The following PATL2 variants were observed in gnomAD, a reference collection of about 807,000 sequenced individuals.
PATL2 encodes the protein protein PAT1 homolog 2.
A neutral mutation model predicts 77.0 loss-of-function variants in PATL2; 73 were observed. That is an observed-to-expected ratio of 0.95 (90% CI 0.78 to 1.15). The LOEUF (loss-of-function observed/expected upper bound fraction) is 1.15, where lower values mean the gene tolerates loss of function less well. Among genes scored for constraint, PATL2 ranks in the 50% most tolerant of loss-of-function variants. The pLI is 0.00. For synonymous variants in PATL2, 265 were observed against 257.1 expected, an observed-to-expected ratio of 1.03 and a Z score of -0.29; for missense variants, 618 against 655.4, an observed-to-expected ratio of 0.94 and a Z score of 0.62.
At chr15:44,668,268 T>TC (rs1250255745) in intron 15 of PATL2, 74 bp downstream of exon 15, 9 of 1,454,894 alleles carry the variant, frequency 6.2e-6, no homozygotes, top group African/African-American at 1.4e-5. Flanking sequence ...GATGAGACTG[T>TC]CCCCCAACTT....
rs904045399 is a variant in PATL2 at position 44,666,594 on chromosome 15, T to C, written c.1464-53A>G. On this transcript the variant is annotated intron_variant, in intron 16 of 17. Coordinates refer to ENST00000682850, the MANE Select transcript of PATL2 (RefSeq NM_001387263.1). Reference sequence around the variant, plus strand: ...AAATAGATTTGCTTAAGAAACAGACTCAGGGCCAAGGTTTCTTATTATCTT... The same window carrying C: ...AAATAGATTTGCTTAAGAAACAGACCCAGGGCCAAGGTTTCTTATTATCTT... 19 of 1,447,980 alleles carry C rather than the reference T, an allele frequency of 1.3e-5. No homozygotes were observed. In the Admixed American group the frequency reaches 3.6e-4, roughly 28 times the overall value. The allele number at this position is 1,447,980 out of a possible 1,614,324, so 89.7% of individuals were successfully genotyped here. A position where few individuals can be genotyped will look rare whatever the true frequency, so the allele number is the denominator to read the frequency against.
intron 3 of PATL2, among the ~76,000 whole-genome samples, chr15:44,693,462 C>A (rs946270932): frequency 6.6e-6 from 1 of 152,192 alleles, no homozygotes; most frequent in Non-Finnish European, 1.5e-5. Context: ...TCTGCAGTCA[C>A]ATCTCCCTCT....
At chr15:44,709,705 A>G (rs2086812706) in intron 3 of PATL2, among the ~76,000 whole-genome samples, 1 of 152,086 alleles carries the variant, frequency 6.6e-6, no homozygotes, top group Admixed American at 6.6e-5. Context: ...CCCAAAGAAA[A>G]CTGTAAAATC....
intron 3 of PATL2, among the ~76,000 whole-genome samples, 21 bp downstream of exon 3, chr15:44,710,075 T>G (rs1245305236): frequency 2.0e-5 from 3 of 152,250 alleles, no homozygotes; most frequent in African/African-American, 7.2e-5. Context: ...TAGCGCTTAT[T>G]AAACACTACA....
chr15:44,700,958 G>C (rs751306791), intron 3 of PATL2, among the ~76,000 whole-genome samples: 1 of 151,982 alleles, frequency 6.6e-6, no homozygotes, highest in African/African-American at 2.4e-5. Flanking sequence ...CCAGTTTTTG[G>C]GGGGGGTTTT....
At chr15:44,684,698 C>T (rs1307801573) in intron 3 of PATL2, among the ~76,000 whole-genome samples, 2 of 152,096 alleles carry the variant, frequency 1.3e-5, no homozygotes, top group African/African-American at 4.8e-5. Context: ...GGAGAACTTC[C>T]CCAACCTAGC....
intron 3 of PATL2, among the ~76,000 whole-genome samples, chr15:44,703,297 A>G (rs1348424821): frequency 1.3e-5 from 2 of 151,992 alleles, no homozygotes; most frequent in Admixed American, 6.5e-5. Context: ...AATCTATTAG[A>G]GCCATTTGAT....
chr15:44,669,247 T>G, intron 13 of PATL2, 33 bp downstream of exon 13: 1 of 1,537,678 alleles, frequency 6.5e-7, no homozygotes. Flanking sequence ...CTCCTTCCCT[T>G]CCTGGGCTGA....
At chr15:44,708,714 A>G (rs1275570204) in intron 3 of PATL2, among the ~76,000 whole-genome samples, 1 of 152,152 alleles carries the variant, frequency 6.6e-6, no homozygotes, top group Non-Finnish European at 1.5e-5. Flanking sequence ...CTGTTGATGT[A>G]TGTTGGATCG....
At chr15:44,670,977 A>G (rs2085643787) in intron 9 of PATL2, among the ~76,000 whole-genome samples, 1 of 152,270 alleles carries the variant, frequency 6.6e-6, no homozygotes, top group Non-Finnish European at 1.5e-5. Flanking sequence ...ATCCTAAACT[A>G]AAATCCACTG....
In PATL2 at chr15:44,673,375, G is replaced by A. The variant is rs2085788121; in HGVS notation, c.306C>T (p.Thr102=). 2 of 1,551,642 alleles carry A rather than the reference G, an allele frequency of 1.3e-6. No homozygotes were observed. The highest frequency in any genetic ancestry group is 1.7e-6 in the Non-Finnish European group (2 of 1,146,948). Reference sequence around the variant, plus strand: ...AAGGGATGGGCGACAGGTAGTCCAAGGTCTGAGAGAGGAATTAAGAGGTCT... The same window carrying A: ...AAGGGATGGGCGACAGGTAGTCCAAAGTCTGAGAGAGGAATTAAGAGGTCT... ...SLASLHFLWQ[T]LDYLSPIPFW... is the part of the protein sequence containing the mutation. Residue 102 remains threonine (T), a splice_region_variant and synonymous_variant, in exon 7 of 18, where the codon ACC becomes ACT. Transcript: ENST00000682850.
intron 3 of PATL2, among the ~76,000 whole-genome samples, chr15:44,707,928 C>T (rs139908892): frequency 2.0e-5 from 3 of 152,312 alleles, no homozygotes; most frequent in African/African-American, 7.2e-5. Context: ...GGGTGATTTG[C>T]CTCTAGCTAG....
intron 3 of PATL2, 46 bp from the exon 4 acceptor site, chr15:44,676,611 G>T: frequency 6.8e-7 from 1 of 1,475,882 alleles, no homozygotes; most frequent in Non-Finnish European, 9.2e-7. Flanking sequence ...AGTCAGTAAG[G>T]ATGACATGGC....
intron 9 of PATL2, among the ~76,000 whole-genome samples, chr15:44,670,479 A>T (rs2085620205): frequency 6.6e-6 from 1 of 152,044 alleles, no homozygotes; most frequent in African/African-American, 2.4e-5. Context: ...CAGGCGAGCC[A>T]TTGTGCCCAG....
chr15:44,676,051 C>A, intron 4 of PATL2: 1 of 313,980 alleles, frequency 3.2e-6, no homozygotes, highest in African/African-American at 2.2e-5. Context: ...AAAAGGAACC[C>A]GGCAGATACC....
At chr15:44,674,469 C>T (rs771047005) in intron 5 of PATL2, 18 of 460,480 alleles carry the variant, frequency 3.9e-5, no homozygotes, top group East Asian at 7.2e-5. Flanking sequence ...ATATATGTTC[C>T]GAGACCCCCA....
intron 3 of PATL2, among the ~76,000 whole-genome samples, chr15:44,690,343 T>A (rs887181997): frequency 3.7e-4 from 56 of 151,170 alleles, no homozygotes; most frequent in African/African-American, 1.1e-3. Flanking sequence ...TCAAAATATT[T>A]TTTTTTTTTT....
intron 3 of PATL2, among the ~76,000 whole-genome samples, chr15:44,695,460 C>G (rs1033809848): frequency 6.6e-6 from 1 of 152,114 alleles, no homozygotes; most frequent in African/African-American, 2.4e-5. Context: ...GGGGAAAGTT[C>G]ATTTGCATAA....
intron 5 of PATL2, chr15:44,675,204 G>A (rs1046308755): frequency 1.6e-5 from 6 of 376,816 alleles, no homozygotes; most frequent in East Asian, 4.8e-5. Context: ...TCAGGCAAAC[G>A]TGACTCACCT....
Sources: gnomAD v4.1 joint callset for allele counts (sites outside exome capture counted in the v4.1 genomes callset) on GRCh38, gnomAD v4.1.1 for gene constraint, MANE v1.5 for transcripts, NCBI Gene and HGNC (gene_info 2026-07-23, HGNC 2026-07-21) for gene names.